Variants in KIF13A observed in about 807,000 individuals in gnomAD.
The protein encoded by KIF13A is kinesin family member 13A.
In KIF13A, 79 loss-of-function variants were observed where a neutral mutation model predicts 212.2. That is an observed-to-expected ratio of 0.37 (90% CI 0.31 to 0.45). KIF13A has a LOEUF of 0.45. KIF13A is among the 20% of genes least tolerant of loss of function. KIF13A has a pLI of 1.00. For missense variants in KIF13A, 1,901 were observed against 2,209.0 expected, an observed-to-expected ratio of 0.86 and a Z score of 2.79; for synonymous variants, 789 against 808.6, an observed-to-expected ratio of 0.98 and a Z score of 0.41.
At chr6:17,950,406 T>C (rs568449783) in intron 2 of KIF13A, 68 of 970,712 alleles carry the variant, frequency 7.0e-5, no homozygotes, top group Middle Eastern at 5.3e-4. Flanking sequence ...CACAGACATG[T>C]GCTTTCAGAA....
At chr6:17,775,327 CTA>C (rs1217855150) in intron 34 of KIF13A, among the ~76,000 whole-genome samples, 1 of 152,098 alleles carries the variant, frequency 6.6e-6, no homozygotes, top group Non-Finnish European at 1.5e-5. Flanking sequence ...TGGTATCTTA[CTA>C]TATATGGTCT....
chr6:17,917,062 A>G (rs1026340629), intron 2 of KIF13A, among the ~76,000 whole-genome samples: 62 of 151,166 alleles, frequency 4.1e-4, no homozygotes, highest in African/African-American at 1.5e-3. Context: ...CACTGTGCCC[A>G]TAACCTTCAT....
intron 18 of KIF13A, among the ~76,000 whole-genome samples, chr6:17,807,419 A>T (rs982506906): frequency 5.3e-5 from 8 of 152,056 alleles, no homozygotes; most frequent in African/African-American, 1.9e-4. Flanking sequence ...ATAAGCACTG[A>T]GATACGCCCT....
chr6:17,852,484 AC>A (rs1767748157), intron 6 of KIF13A, among the ~76,000 whole-genome samples: 1 of 152,034 alleles, frequency 6.6e-6, no homozygotes, highest in South Asian at 2.1e-4. Context: ...CAGTAGCATG[AC>A]CCCGGCTTAC....
intron 34 of KIF13A, among the ~76,000 whole-genome samples, chr6:17,775,850 T>TA (rs1759919947): frequency 6.8e-6 from 1 of 147,944 alleles, no homozygotes; most frequent in African/African-American, 2.5e-5. Context: ...GAAAAAAATA[T>TA]TTTTTTTTTT....
intron 3 of KIF13A, among the ~76,000 whole-genome samples, chr6:17,877,978 T>G (rs1368874911): frequency 6.6e-6 from 1 of 152,228 alleles, no homozygotes; most frequent in Non-Finnish European, 1.5e-5. Context: ...TATTGTGTGC[T>G]AAGCGCTAGA....
intron 19 of KIF13A, among the ~76,000 whole-genome samples, chr6:17,804,811 TAAAAA>T (rs56785510): frequency 0.045 from 1,037 of 23,136 alleles, 5 homozygotes; most frequent in Non-Finnish European, 0.08. Context: ...CTGTCTCCAT[TAAAAA>T]AAAAAAAAAA....
chr6:17,908,987 C>T (rs1233223434), intron 2 of KIF13A, among the ~76,000 whole-genome samples: 1 of 152,120 alleles, frequency 6.6e-6, no homozygotes, highest in Non-Finnish European at 1.5e-5. Context: ...GCCTCTAAAG[C>T]GGGAATAGAA....
chr6:17,765,794 A>G (rs993330199), intron 38 of KIF13A, among the ~76,000 whole-genome samples: 5 of 152,242 alleles, frequency 3.3e-5, no homozygotes, highest in African/African-American at 7.2e-5. Context: ...TCCAAATAAA[A>G]TAAGTGATAA....
At chr6:17,781,967 C>T (rs566913843) in intron 29 of KIF13A, among the ~76,000 whole-genome samples, 3 of 151,958 alleles carry the variant, frequency 2.0e-5, no homozygotes, top group South Asian at 2.1e-4. Flanking sequence ...GATGGAGTCC[C>T]GCTCTGTAGC....
rs772482869 is a variant in KIF13A at position 17,969,540 on chromosome 6, T to TA, written c.146+17513dup. Among the ~76,000 whole-genome samples the TA allele has an allele frequency of 6.9e-4, 105 of 152,232 alleles. 2 individuals carry two copies. Among genetic ancestry groups the TA allele is most frequent in the Non-Finnish European group, 1.5e-3 (101 of 68,048 alleles). On this transcript the variant is annotated intron_variant, in intron 2 of 38. Coordinates refer to ENST00000259711, the MANE Select transcript of KIF13A (RefSeq NM_022113.6). ...GCTAGTGACACACTGTGTTCAATAATATTAGGTTTCTATACTTTTATTTTT... is the reference window on the plus strand; with the variant it reads ...GCTAGTGACACACTGTGTTCAATAATAATTAGGTTTCTATACTTTTATTTTT...
Position 17,843,332 on chromosome 6 carries a change from T to C in KIF13A, c.831-5749A>G, listed in dbSNP as rs1282174634. ...AACACTGGTTTTCCTGGAAGCAATG[T>C]GCTGGGCTAAAAACTCTATTTTCCA... On this transcript the variant is annotated intron_variant, in intron 9 of 38. Transcript: ENST00000259711. The surrounding 1 kb of genome is among the most constrained non-coding windows in gnomAD (Gnocchi z 5.3). Among the ~76,000 whole-genome samples the C allele has an allele frequency of 2.0e-5, 3 of 152,210 alleles. No homozygotes were observed. The highest frequency in any genetic ancestry group is 4.4e-5 in the Non-Finnish European group (3 of 68,042).
In KIF13A at chr6:17,914,156, TGTTCAG is replaced by T. The variant is rs1314777558; in HGVS notation, c.147-15982_147-15977del. ...CAAGGCCATTTCTTAGTCTAAAGAA[TGTTCAG>T]GTTAGAAGGCAAATCTCAAGTACCC... On this transcript the variant is annotated intron_variant, in intron 2 of 38. Coordinates refer to ENST00000259711, the MANE Select transcript of KIF13A (RefSeq NM_022113.6). The surrounding 1 kb of genome is among the most constrained non-coding windows in gnomAD (Gnocchi z 5.9). Among the ~76,000 whole-genome samples, 1 of 152,238 alleles carries T rather than the reference TGTTCAG, an allele frequency of 6.6e-6. No individual in the cohort carries two copies. The highest frequency in any genetic ancestry group is 2.4e-5 in the African/African-American group (1 of 41,472).
chr6:17,787,764 G>C lies in KIF13A; in HGVS notation c.3361+12C>G, dbSNP rs1191139666. ...AAAGCTACTCCCCATAAAAGAGTTT[G>C]ATCTCACATACCTGTTTTATTGCTG... On this transcript the variant is annotated intron_variant, in intron 27 of 38. Transcript: ENST00000259711. The surrounding 1 kb of genome is among the most constrained non-coding windows in gnomAD (Gnocchi z 4.6). The C allele has an allele frequency of 6.5e-7, 1 of 1,537,068 alleles. No homozygotes were observed. Among genetic ancestry groups the C allele is most frequent in the East Asian group, 2.2e-5 (1 of 44,486 alleles).
rs1767512183 is a variant in KIF13A, at chr6:17,850,285, C to T, written c.717+38G>A. 1 of 1,570,936 alleles carries T rather than the reference C, an allele frequency of 6.4e-7. No homozygotes were observed. The highest frequency in any genetic ancestry group is 1.4e-5 in the African/African-American group (1 of 73,698). On this transcript the variant is annotated intron_variant, in intron 8 of 38. Coordinates refer to ENST00000259711, the MANE Select transcript of KIF13A (RefSeq NM_022113.6). The surrounding 1 kb of genome is among the most constrained non-coding windows in gnomAD (Gnocchi z 6.2). ...ACCTATATGGACACTTTCAGTTCTT[C>T]CACCCCCACTCCAAAAAGGTTCTGC... is the stretch of plus-strand genomic sequence containing the variant.
At chr6:17,979,009 G>A (rs1486666780) in intron 2 of KIF13A, among the ~76,000 whole-genome samples, 1 of 152,182 alleles carries the variant, frequency 6.6e-6, no homozygotes, top group African/African-American at 2.4e-5. Context: ...TTCCAGCTGG[G>A]TATGGTGGCT....
chr6:17,916,550 T>C (rs562919092), intron 2 of KIF13A, among the ~76,000 whole-genome samples: 1 of 152,358 alleles, frequency 6.6e-6, no homozygotes, highest in East Asian at 1.9e-4. Flanking sequence ...CTTAACAGCA[T>C]TTTATTTGAA....
At chr6:17,907,639 G>C (rs540899488) in intron 2 of KIF13A, among the ~76,000 whole-genome samples, 1 of 151,942 alleles carries the variant, frequency 6.6e-6, no homozygotes, top group Non-Finnish European at 1.5e-5. Flanking sequence ...AGGAAACTGA[G>C]GGCCACTGAA....
chr6:17,787,758 G>A lies in KIF13A; in HGVS notation c.3361+18C>T. The A allele has an allele frequency of 6.8e-7, 1 of 1,469,976 alleles. No homozygotes were observed. The highest frequency in any genetic ancestry group is 1.1e-5 in the South Asian group (1 of 88,016). The allele number at this position is 1,469,976 out of a possible 1,614,324, so 91.1% of individuals were successfully genotyped here. ...AGTGAAAAAGCTACTCCCCATAAAA[G>A]AGTTTGATCTCACATACCTGTTTTA... On this transcript the variant is annotated intron_variant, in intron 27 of 38. Coordinates refer to ENST00000259711, the MANE Select transcript of KIF13A (RefSeq NM_022113.6). This position sits in a 1 kb window ranked among gnomAD's most constrained non-coding sequence, Gnocchi z 4.6.
Sources: gnomAD v4.1 joint callset for allele counts (sites outside exome capture counted in the v4.1 genomes callset) on GRCh38, gnomAD v4.1.1 for gene constraint, Gnocchi (gnomAD v3.1) non-coding constraint, MANE v1.5 for transcripts, NCBI Gene and HGNC (gene_info 2026-07-23, HGNC 2026-07-21) for gene names.